The following SMCO1 variants were observed in gnomAD, a reference collection of about 807,000 sequenced individuals.
SMCO1 encodes the protein single-pass membrane and coiled-coil domain-containing protein 1.
A neutral mutation model predicts 7.5 loss-of-function variants in SMCO1; 9 were observed. That is an observed-to-expected ratio of 1.20 (90% confidence interval 0.72 to 2.09). The LOEUF is 2.09. SMCO1 is among the 30% of genes most tolerant of loss of function. The pLI is 0.00. For synonymous variants in SMCO1, 90 were observed against 93.8 expected, an observed-to-expected ratio of 0.96 and a Z score of 0.23; for missense variants, 219 against 253.1, an observed-to-expected ratio of 0.87 and a Z score of 0.91.
upstream of SMCO1, among the ~76,000 whole-genome samples, chr3:196,518,859 G>C (rs1733441151): frequency 6.6e-6 from 1 of 152,204 alleles, no homozygotes; most frequent in South Asian, 2.1e-4. Flanking sequence ...TTACTGGGGA[G>C]AACATGGAGA....
At chr3:196,508,428 G>A (rs1733116971) in intron 2 of SMCO1, 97 bp from the exon 3 acceptor site, 1 of 890,836 alleles carries the variant, frequency 1.1e-6, no homozygotes, top group African/African-American at 1.7e-5. Flanking sequence ...GAACCCACTA[G>A]GAGAACCAGC....
intron 1 of SMCO1, among the ~76,000 whole-genome samples, chr3:196,511,484 T>G (rs1347216074): frequency 1.3e-5 from 1 of 76,752 alleles, no homozygotes; most frequent in East Asian, 2.5e-4. Flanking sequence ...GAAACCTGCC[T>G]GGGCCACCTA....
At chr3:196,513,450 A>G (rs556981073) in intron 1 of SMCO1, among the ~76,000 whole-genome samples, 3 of 152,040 alleles carry the variant, frequency 2.0e-5, no homozygotes, top group Non-Finnish European at 2.9e-5. Context: ...CCAACATGGT[A>G]AAACCCCTTC....
chr3:196,512,950 T>G (rs919179067), intron 1 of SMCO1, among the ~76,000 whole-genome samples: 2 of 152,204 alleles, frequency 1.3e-5, no homozygotes, highest in Non-Finnish European at 2.9e-5. Context: ...TACACATAGA[T>G]AAGACTCAGT....
rs746370295 is a variant in SMCO1 at position 196,515,246 on chromosome 3, C to A, written c.-37G>T. 6 of 1,526,136 alleles carry A rather than the reference C, an allele frequency of 3.9e-6. No homozygotes were observed. Among genetic ancestry groups the A allele is most frequent in the South Asian group, 2.3e-5 (2 of 88,096 alleles). The allele number at this position is 1,526,136 out of a possible 1,614,324, so 94.5% of individuals were successfully genotyped here. ...AAAAGGAAAGAAAACAAAAACAAAG[C>A]AAAACAAAAAAAGCAATAAATGTTT... On this transcript the variant is annotated 5_prime_UTR_variant, in exon 1 of 3. Transcript: ENST00000397537.
intron 1 of SMCO1, among the ~76,000 whole-genome samples, chr3:196,514,302 C>T (rs1000104741): frequency 6.6e-6 from 1 of 152,196 alleles, no homozygotes; most frequent in Admixed American, 6.5e-5. Context: ...CATCTAGTTG[C>T]TGCTTGAATA....
upstream of SMCO1, among the ~76,000 whole-genome samples, chr3:196,519,461 A>G (rs1222707363): frequency 2.6e-5 from 4 of 152,204 alleles, no homozygotes; most frequent in Non-Finnish European, 5.9e-5. Flanking sequence ...TGCCCCAACA[A>G]TTAGGAGTAA....
chr3:196,514,594 T>G (rs764741561), intron 1 of SMCO1, among the ~76,000 whole-genome samples: 1 of 152,240 alleles, frequency 6.6e-6, no homozygotes, highest in African/African-American at 2.4e-5. Flanking sequence ...GTGAGCTCCT[T>G]GAGGGCAGAA....
chr3:196,508,025 A>G lies in SMCO1; in HGVS notation c.507T>C (p.Ile169=). The change falls in exon 3 of 3, where the codon ATT becomes ATC. Residue 169 remains isoleucine, a synonymous_variant. Coordinates refer to ENST00000397537, the MANE Select transcript of SMCO1 (RefSeq NM_001077657.3). ...QMYIRDVTFL[I]TNMVKNQALQ... is the part of the protein sequence containing the mutation. Reference sequence around the variant, plus strand: ...GAGCCTGGTTCTTTACCATGTTAGTAATTAGGAACGTGACATCCCTGATGT... The same window carrying G: ...GAGCCTGGTTCTTTACCATGTTAGTGATTAGGAACGTGACATCCCTGATGT... 1 of 1,614,100 alleles carries G rather than the reference A, an allele frequency of 6.2e-7. No homozygotes were observed. The highest frequency in any genetic ancestry group is 8.5e-7 in the Non-Finnish European group (1 of 1,180,010).
In SMCO1 at chr3:196,509,556, G is replaced by A. The variant is rs963927847; in HGVS notation, c.164C>T (p.Ala55Val). ...HHSKALASQA[A>V]QDEMWTAVRA... ...AACTGCTGTCCACATCTCATCTTGG[G>A]CTGCTTGGCTTGCCAAAGCCTTACT... is the stretch of plus-strand genomic sequence containing the variant. The change falls in exon 2 of 3, where the codon GCC becomes GTC. Residue 55 changes from alanine to valine, a missense_variant. Transcript: ENST00000397537. The A allele has an allele frequency of 6.2e-7, 1 of 1,613,902 alleles. No individual in the cohort carries two copies. Among genetic ancestry groups the A allele is most frequent in the East Asian group, 2.2e-5 (1 of 44,874 alleles).
At chr3:196,508,388 A>G in intron 2 of SMCO1, 57 bp from the exon 3 acceptor site, 1 of 1,441,984 alleles carries the variant, frequency 6.9e-7, no homozygotes, top group Non-Finnish European at 9.3e-7. Flanking sequence ...ATAGAAACAG[A>G]AAATGAATTC....
At chr3:196,518,921 C>A (rs1327033145), upstream of SMCO1, among the ~76,000 whole-genome samples, 1 of 152,212 alleles carries the variant, frequency 6.6e-6, no homozygotes, top group Non-Finnish European at 1.5e-5. Flanking sequence ...TTCAAATCAG[C>A]TTCCTTTCAA....
upstream of SMCO1, among the ~76,000 whole-genome samples, chr3:196,516,161 A>G (rs549959247): frequency 3.8e-4 from 56 of 148,886 alleles, no homozygotes; most frequent in African/African-American, 1.2e-3. Context: ...GAAATAAAAT[A>G]GGACTGCTGT....
At chr3:196,513,950 C>A (rs999792620) in intron 1 of SMCO1, among the ~76,000 whole-genome samples, 4 of 152,142 alleles carry the variant, frequency 2.6e-5, no homozygotes, top group Non-Finnish European at 5.9e-5. Flanking sequence ...CAGAATAATT[C>A]TCAACTTTTT....
chr3:196,516,832 C>G (rs1733397045), upstream of SMCO1, among the ~76,000 whole-genome samples: 1 of 152,120 alleles, frequency 6.6e-6, no homozygotes, highest in Admixed American at 6.5e-5. Flanking sequence ...GGTGCAGTGG[C>G]TCTCACCTGT....
At position 196,508,276 on chromosome 3, in the gene SMCO1, A is replaced by C. The variant is rs1241534765; in HGVS notation, c.256T>G (p.Cys86Gly). ...TTCTCAAGCACACGAGTATGCAAGC[A>C]GATAAGTACTTCAATGACGTAGCTG... is the stretch of plus-strand genomic sequence containing the variant. ...LYSYVIEVLI[C>G]LHTRVLEKLP... Residue 86 changes from cysteine (C) to glycine (G), a missense_variant, in exon 3 of 3, where the codon TGC becomes GGC. Physicochemically the swap from Cys to Gly is radical, Grantham distance 159 (BLOSUM62 -3). Transcript: ENST00000397537. 6.2e-7 allele frequency: 1 copy of C among 1,614,136 alleles called. No homozygotes were observed. Among genetic ancestry groups the C allele is most frequent in the Admixed American group, 1.7e-5 (1 of 60,018 alleles).
chr3:196,508,380 A>G, intron 2 of SMCO1, 49 bp from the exon 3 acceptor site: 1 of 1,473,484 alleles, frequency 6.8e-7, no homozygotes, highest in African/African-American at 1.4e-5. Flanking sequence ...TATTTTATAT[A>G]GAAACAGAAA....
At chr3:196,519,490 A>C (rs1372128500), upstream of SMCO1, among the ~76,000 whole-genome samples, 1 of 152,148 alleles carries the variant, frequency 6.6e-6, no homozygotes, top group Non-Finnish European at 1.5e-5. Flanking sequence ...CTGCAGCCAA[A>C]TTTTAGTCCT....
upstream of SMCO1, among the ~76,000 whole-genome samples, chr3:196,518,245 C>A (rs923870069): frequency 6.6e-6 from 1 of 152,238 alleles, no homozygotes; most frequent in East Asian, 1.9e-4. Context: ...CTATGCAAAT[C>A]AGATGCCACC....
Sources: allele counts gnomAD v4.1 joint callset (sites outside exome capture counted in the v4.1 genomes callset), GRCh38; gene constraint gnomAD v4.1.1; transcripts MANE v1.5; gene names NCBI Gene and HGNC (gene_info 2026-07-23, HGNC 2026-07-21).